NRP2: variants seen among roughly 807,000 people sequenced by gnomAD.
NRP2 encodes neuropilin-2.
In NRP2, 52 loss-of-function variants were observed where a neutral mutation model predicts 110.4. The ratio of observed to expected loss-of-function variants is 0.47; its 90% confidence interval spans 0.38 to 0.59. The LOEUF (loss-of-function observed/expected upper bound fraction) is 0.59. Among genes scored for constraint, NRP2 ranks in the 20% least tolerant of loss-of-function variants. The pLI, the probability that NRP2 is intolerant of heterozygous loss-of-function variation, is 0.00. For missense variants in NRP2, 1,049 were observed against 1,203.0 expected (o/e 0.87, Z 1.89); for synonymous variants, 508 against 468.9 (o/e 1.08, Z -1.08).
intron 11 of NRP2, among the ~76,000 whole-genome samples, chr2:205,750,341 C>T (rs1056666235): frequency 2.6e-5 from 4 of 152,146 alleles, no homozygotes; most frequent in African/African-American, 9.7e-5. Flanking sequence ...CTTTCACCGC[C>T]ACCAATTTGA....
In NRP2 at chr2:205,745,828, C is replaced by T. The variant is rs776049997; in HGVS notation, c.1724C>T (p.Pro575Leu). ...PIPAQYVRVYPERWSPAGIGM... is the reference protein window; with the variant it reads ...PIPAQYVRVYLERWSPAGIGM... ...CCGGCACAGTATGTGCGGGTATACC[C>T]GGAGAGGTGGTCGCCGGCGGGGATT... is the stretch of plus-strand genomic sequence containing the variant. Residue 575 changes from proline to leucine, a missense_variant, in exon 10 of 17, where the codon CCG becomes CTG. Coordinates refer to ENST00000357785, the MANE Select transcript of NRP2 (RefSeq NM_003872.3). 1.9e-6 allele frequency: 3 copies of T among 1,614,058 alleles called. No individual in the cohort carries two copies. Among genetic ancestry groups the T allele is most frequent in the East Asian group, 2.2e-5 (1 of 44,886 alleles).
chr2:205,684,647 T>A (rs1419729071), intron 1 of NRP2, among the ~76,000 whole-genome samples: 3 of 152,188 alleles, frequency 2.0e-5, no homozygotes, highest in African/African-American at 7.2e-5. Flanking sequence ...GCCACCCAGA[T>A]CCGCACGTTT....
chr2:205,765,720 T>C (rs762518100), intron 14 of NRP2, 150 bp downstream of exon 14: 4 of 779,326 alleles, frequency 5.1e-6, no homozygotes, highest in Middle Eastern at 2.4e-4. Flanking sequence ...GTGGGTGTAG[T>C]TGTGTCTTAG....
In NRP2 at chr2:205,788,696, C is replaced by G. The variant is rs558060058; in HGVS notation, c.2426-3539C>G. ...CCTGATAGTGGCCCAGGCTCATTTGCCCAATCCCTGCCCTGGACTCCAGCA... is the reference window on the plus strand; with the variant it reads ...CCTGATAGTGGCCCAGGCTCATTTGGCCAATCCCTGCCCTGGACTCCAGCA... On this transcript the variant is annotated intron_variant, in intron 15 of 16. Transcript: ENST00000357785. Among the ~76,000 whole-genome samples, 20 of 152,316 alleles carry G rather than the reference C, an allele frequency of 1.3e-4. No individual in the cohort carries two copies. In the South Asian group the frequency reaches 4.1e-3, roughly 32 times the overall value.
chr2:205,751,594 T>G (rs1460506975), intron 11 of NRP2, among the ~76,000 whole-genome samples: 1 of 152,172 alleles, frequency 6.6e-6, no homozygotes, highest in East Asian at 1.9e-4. Context: ...TTAAATATCC[T>G]GTCCTGGAAA....
chr2:205,765,654 T>G lies in NRP2; in HGVS notation c.2404+84T>G, dbSNP rs757101907. 2.3e-5 allele frequency: 27 copies of G among 1,165,624 alleles called. No homozygotes were observed. In the African/African-American group the frequency reaches 3.8e-4, roughly 16 times the overall value. 72.2% of individuals were successfully genotyped at this position (1,165,624 alleles called of 1,614,324 possible). ...AGCAAGAGGAGGCAGGACACCATTT[T>G]CCAATGCAGTCGTTACCCAGTGGGT... On this transcript the variant is annotated intron_variant, in intron 14 of 16. Coordinates refer to ENST00000357785, the MANE Select transcript of NRP2 (RefSeq NM_003872.3).
intron 1 of NRP2, among the ~76,000 whole-genome samples, chr2:205,696,710 G>T (rs532361730): frequency 6.6e-6 from 1 of 152,322 alleles, no homozygotes; most frequent in African/African-American, 2.4e-5. Context: ...GGCCAGTTAT[G>T]GCTGGACAAA....
intron 2 of NRP2, chr2:205,698,021 A>T: frequency 2.4e-6 from 1 of 423,222 alleles, no homozygotes; most frequent in Non-Finnish European, 4.4e-6. Flanking sequence ...GGACTACAAA[A>T]CTCTACTCTT....
At chr2:205,722,167 T>TACACA (rs2057029171) in intron 3 of NRP2, 1 of 345,972 alleles carries the variant, frequency 2.9e-6, no homozygotes, top group African/African-American at 2.4e-5. Flanking sequence ...TCTCTCTCTC[T>TACACA]CTCATACACA....
chr2:205,724,238 T>C (rs1231351330), intron 5 of NRP2, among the ~76,000 whole-genome samples: 1 of 152,238 alleles, frequency 6.6e-6, no homozygotes, highest in Non-Finnish European at 1.5e-5. Context: ...CATCTATGAA[T>C]GAAAGAGAGG....
At chr2:205,742,571 G>C (rs1269330743) in intron 8 of NRP2, among the ~76,000 whole-genome samples, 2 of 152,168 alleles carry the variant, frequency 1.3e-5, no homozygotes, top group East Asian at 1.9e-4. Flanking sequence ...AAGCATTTGG[G>C]GTAATGGGAA....
chr2:205,742,653 G>A (rs1290897639), intron 8 of NRP2, among the ~76,000 whole-genome samples: 2 of 152,242 alleles, frequency 1.3e-5, no homozygotes, highest in African/African-American at 2.4e-5. Context: ...CTGATGCCAG[G>A]AAGGTTTCCT....
At chr2:205,727,082 C>T (rs1285829463) in intron 6 of NRP2, among the ~76,000 whole-genome samples, 2 of 152,352 alleles carry the variant, frequency 1.3e-5, no homozygotes, top group African/African-American at 4.8e-5. Context: ...ACCTGTTTCT[C>T]ATACGTGTAG....
At chr2:205,710,071 G>A (rs935505904) in intron 2 of NRP2, among the ~76,000 whole-genome samples, 6 of 152,132 alleles carry the variant, frequency 3.9e-5, no homozygotes, top group Non-Finnish European at 7.3e-5. Context: ...CAACTCAAAA[G>A]AGCAAGATTC....
intron 12 of NRP2, among the ~76,000 whole-genome samples, chr2:205,754,174 T>G (rs1413911497): frequency 6.6e-6 from 1 of 151,988 alleles, no homozygotes; most frequent in African/African-American, 2.4e-5. Flanking sequence ...AGGAGAGGGG[T>G]GAATTCCGGA....
At position 205,749,858 on chromosome 2, in the gene NRP2, T is replaced by G. The variant is rs1035361958; in HGVS notation, c.1903+17T>G. 1 of 1,589,978 alleles carries G rather than the reference T, an allele frequency of 6.3e-7. No individual in the cohort carries two copies. Among genetic ancestry groups the G allele is most frequent in the Non-Finnish European group, 8.6e-7 (1 of 1,158,510 alleles). On this transcript the variant is annotated intron_variant, in intron 11 of 16. Transcript: ENST00000357785. ...TTGAGGATGGTAAGCACAAATTGCC[T>G]CCAGATGGCATGGGTGCGGACTAGT...
intron 2 of NRP2, among the ~76,000 whole-genome samples, 155 bp from the exon 3 acceptor site, chr2:205,716,038 G>T (rs1334232805): frequency 6.6e-6 from 1 of 152,182 alleles, no homozygotes; most frequent in Non-Finnish European, 1.5e-5. Flanking sequence ...ATCTCTGTTT[G>T]CCAGTCTGTA....
intron 1 of NRP2, among the ~76,000 whole-genome samples, chr2:205,687,422 T>C (rs1344765094): frequency 1.0e-5 from 1 of 96,246 alleles, no homozygotes; most frequent in African/African-American, 3.5e-5. Flanking sequence ...CCACATTAAA[T>C]GGGTACCCAG....
At chr2:205,775,560 T>C (rs186024795) in intron 15 of NRP2, among the ~76,000 whole-genome samples, 101 of 152,276 alleles carry the variant, frequency 6.6e-4, no homozygotes, top group African/African-American at 2.1e-3. Flanking sequence ...CTCCATCCAA[T>C]TAAAAAATGA....
Sources: allele counts gnomAD v4.1 joint callset (sites outside exome capture counted in the v4.1 genomes callset), GRCh38; gene constraint gnomAD v4.1.1; transcripts MANE v1.5; gene names NCBI Gene and HGNC (gene_info 2026-07-23, HGNC 2026-07-21).